Variants in LURAP1 observed in about 807,000 individuals in gnomAD.
LURAP1 encodes the protein NF-kappa-B activator C1orf190.
In LURAP1, 14 loss-of-function variants were observed where a neutral mutation model predicts 19.0. The observed-to-expected ratio is 0.74, with a 90% CI of 0.49 to 1.15. The LOEUF is 1.15. Ranked by LOEUF, LURAP1 falls within the 50% of genes most tolerant of loss-of-function variation. The probability of loss-of-function intolerance (pLI) is 0.00; values close to 1 mark genes in which losing one functional copy is unlikely to be tolerated. For synonymous variants in LURAP1, 129 were observed against 131.8 expected (o/e 0.98, Z 0.14); for missense variants, 273 against 309.1 (o/e 0.88, Z 0.87).
At position 46,220,155 on chromosome 1, in the gene LURAP1, G is replaced by T; in HGVS notation, c.655G>T (p.Ala219Ser). 4 of 1,614,120 alleles carry T rather than the reference G, an allele frequency of 2.5e-6. No individual in the cohort carries two copies. Among genetic ancestry groups the T allele is most frequent in the Non-Finnish European group, 3.4e-6 (4 of 1,180,008 alleles). ...GPPESPEDESAKLGFEAHWFW... is the reference protein window; with the variant it reads ...GPPESPEDESSKLGFEAHWFW... ...ACCTGAGTCACCAGAGGATGAGAGT[G>T]CCAAGCTGGGCTTCGAGGCCCACTG... Residue 219 changes from alanine to serine, a missense_variant, in exon 2 of 2, where the codon GCC (alanine) becomes TCC (serine). Transcript: ENST00000371980.
At chr1:46,209,669 C>CT (rs1658832202) in intron 1 of LURAP1, among the ~76,000 whole-genome samples, 1 of 151,440 alleles carries the variant, frequency 6.6e-6, no homozygotes. Flanking sequence ...CCCGCCACCA[C>CT]ACAGCTAATT....
intron 1 of LURAP1, among the ~76,000 whole-genome samples, chr1:46,209,532 G>GTT (rs1658825768): frequency 7.3e-6 from 1 of 137,368 alleles, no homozygotes; most frequent in African/African-American, 2.7e-5. Flanking sequence ...TTCTGTTGTT[G>GTT]TTTTCTTTTT....
Position 46,220,182 on chromosome 1 carries a change from T to C in LURAP1, c.682T>C (p.Phe228Leu), listed in dbSNP as rs1218733198. Residue 228 changes from phenylalanine (F) to leucine (L), a missense_variant, in exon 2 of 2, where the codon TTC (phenylalanine) becomes CTC (leucine). Phe to Leu is a conservative substitution (Grantham distance 22). Transcript: ENST00000371980. ...CAAGCTGGGCTTCGAGGCCCACTGG[T>C]TCTGGGAGCAGTGCCAGGATGATGT... ...SAKLGFEAHWFWEQCQDDVTF... is the reference protein window; with the variant it reads ...SAKLGFEAHWLWEQCQDDVTF... 1 of 1,613,638 alleles carries C rather than the reference T, an allele frequency of 6.2e-7. No individual in the cohort carries two copies. The highest frequency in any genetic ancestry group is 8.5e-7 in the Non-Finnish European group (1 of 1,179,892).
At chr1:46,204,610 C>T (rs1658655933) in intron 1 of LURAP1, among the ~76,000 whole-genome samples, 1 of 152,154 alleles carries the variant, frequency 6.6e-6, no homozygotes, top group Non-Finnish European at 1.5e-5. Context: ...TGAGACCAGC[C>T]AGGGCTCCGA....
At chr1:46,217,405 G>A (rs1025945339) in intron 1 of LURAP1, among the ~76,000 whole-genome samples, 2 of 149,142 alleles carry the variant, frequency 1.3e-5, no homozygotes, top group African/African-American at 4.9e-5. Context: ...ATAAAATGTT[G>A]TAAGAAATAA....
chr1:46,213,124 CATTT>C (rs1182711730), intron 1 of LURAP1, among the ~76,000 whole-genome samples: 1 of 151,820 alleles, frequency 6.6e-6, no homozygotes, highest in Non-Finnish European at 1.5e-5. Flanking sequence ...TATATATAAA[CATTT>C]ATGTGTATAT....
chr1:46,218,486 T>A (rs767302390), intron 1 of LURAP1, among the ~76,000 whole-genome samples: 3 of 152,362 alleles, frequency 2.0e-5, no homozygotes, highest in South Asian at 2.1e-4. Flanking sequence ...GGCGAAACTA[T>A]AGAGATGGGC....
chr1:46,209,677 A>C (rs1361315635), intron 1 of LURAP1, among the ~76,000 whole-genome samples: 1 of 151,188 alleles, frequency 6.6e-6, no homozygotes, highest in Non-Finnish European at 1.5e-5. Flanking sequence ...CACACAGCTA[A>C]TTTTTGTATT....
intron 1 of LURAP1, among the ~76,000 whole-genome samples, chr1:46,204,339 T>G (rs754826883): frequency 1.3e-5 from 2 of 152,114 alleles, no homozygotes; most frequent in Non-Finnish European, 2.9e-5. Flanking sequence ...CTCCCCTTTC[T>G]CTATTGCTGC....
Position 46,203,362 on chromosome 1 carries a change from G to A in LURAP1, c.-65G>A. 7.1e-7 allele frequency: 1 copy of A among 1,404,050 alleles called. No homozygotes were observed. Among genetic ancestry groups the A allele is most frequent in the South Asian group, 1.5e-5 (1 of 65,252 alleles). 87.0% of individuals were successfully genotyped at this position (1,404,050 alleles called of 1,614,324 possible). ...TTTGCTCCGCTTTAGCAGCGGCGAA[G>A]GGAGGACCCCCGGGAGCCGGTCCCC... On this transcript the variant is annotated 5_prime_UTR_variant, in exon 1 of 2. Transcript: ENST00000371980.
intron 1 of LURAP1, among the ~76,000 whole-genome samples, chr1:46,203,934 C>G (rs1658630444): frequency 6.6e-6 from 1 of 152,086 alleles, no homozygotes; most frequent in Non-Finnish European, 1.5e-5. Flanking sequence ...GAGAACCCAA[C>G]GCAGCACAAA....
chr1:46,204,595 G>A (rs1205637281), intron 1 of LURAP1, among the ~76,000 whole-genome samples: 1 of 152,206 alleles, frequency 6.6e-6, no homozygotes, highest in Non-Finnish European at 1.5e-5. Flanking sequence ...AAATCATGGG[G>A]GCTCTGAGAC....
At chr1:46,212,220 A>G (rs1238832656) in intron 1 of LURAP1, among the ~76,000 whole-genome samples, 4 of 152,176 alleles carry the variant, frequency 2.6e-5, no homozygotes, top group Non-Finnish European at 5.9e-5. Context: ...GTAAATACAC[A>G]TACACACATA....
intron 1 of LURAP1, among the ~76,000 whole-genome samples, chr1:46,213,569 C>T (rs1049227380): frequency 5.3e-5 from 8 of 151,892 alleles, no homozygotes; most frequent in Non-Finnish European, 7.4e-5. Flanking sequence ...TAAAAATACA[C>T]TAAATACGGC....
Position 46,220,516 on chromosome 1 carries a change from A to C in LURAP1, c.*296A>C. 1 of 273,380 alleles carries C rather than the reference A, an allele frequency of 3.7e-6. No individual in the cohort carries two copies. The allele number at this position is 273,380 out of a possible 1,614,324, so 16.9% of individuals were successfully genotyped here. On this transcript the variant is annotated 3_prime_UTR_variant, in exon 2 of 2. Transcript: ENST00000371980. ...ATGATCACAGCTCACTGCAGCCTTGACCTCCTGGGCTCAAGCGATCCTCCT... is the reference window on the plus strand; with the variant it reads ...ATGATCACAGCTCACTGCAGCCTTGCCCTCCTGGGCTCAAGCGATCCTCCT...
At chr1:46,212,296 T>C (rs1658921062) in intron 1 of LURAP1, among the ~76,000 whole-genome samples, 1 of 151,972 alleles carries the variant, frequency 6.6e-6, no homozygotes, top group Non-Finnish European at 1.5e-5. Context: ...TTTTTTTTTT[T>C]TTGAGACGGA....
At chr1:46,210,764 C>A (rs1401427519) in intron 1 of LURAP1, among the ~76,000 whole-genome samples, 2 of 152,002 alleles carry the variant, frequency 1.3e-5, no homozygotes, top group Non-Finnish European at 1.5e-5. Flanking sequence ...CTCTCTGAAT[C>A]CTGTTGTGGG....
chr1:46,203,528 G>A lies in LURAP1; in HGVS notation c.102G>A (p.Glu34=). 6.4e-7 allele frequency: 1 copy of A among 1,567,162 alleles called. No individual in the cohort carries two copies. Among genetic ancestry groups the A allele is most frequent in the South Asian group, 1.2e-5 (1 of 84,614 alleles). The change falls in exon 1 of 2, where the codon GAG becomes GAA. Residue 34 remains glutamate (E), a synonymous_variant. Transcript: ENST00000371980. ...PEGLLRGLRG[E]CELGTSGALL... ...GGCTGCTCCGCGGGCTGCGAGGCGA[G>A]TGTGAGCTGGGAACCTCTGGCGCCC...
At chr1:46,206,417 G>A (rs1658718874) in intron 1 of LURAP1, among the ~76,000 whole-genome samples, 1 of 152,126 alleles carries the variant, frequency 6.6e-6, no homozygotes, top group Non-Finnish European at 1.5e-5. Flanking sequence ...TGAGCAATGA[G>A]GAAACCATAC....
Sources: allele counts gnomAD v4.1 joint callset (sites outside exome capture counted in the v4.1 genomes callset), GRCh38; gene constraint gnomAD v4.1.1; transcripts MANE v1.5; gene names NCBI Gene and HGNC (gene_info 2026-07-23, HGNC 2026-07-21).